Variants in PSMB2 observed in about 807,000 individuals in gnomAD.
The protein encoded by PSMB2 is proteasome 20S subunit beta 2.
A neutral mutation model predicts 25.7 loss-of-function variants in PSMB2; 13 were observed. The observed-to-expected ratio is 0.51, with a 90% CI of 0.33 to 0.80. The LOEUF is 0.80. Ranked by LOEUF, PSMB2 falls within the 30% of genes least tolerant of loss-of-function variation. PSMB2 has a pLI of 0.02. For missense variants in PSMB2, 202 were observed against 259.0 expected (o/e 0.78, Z 1.51); for synonymous variants, 87 against 96.2 (o/e 0.90, Z 0.56).
chr1:35,630,954 T>C (rs570391588), intron 3 of PSMB2, among the ~76,000 whole-genome samples: 1 of 152,330 alleles, frequency 6.6e-6, no homozygotes, highest in South Asian at 2.1e-4. Context: ...GAAATCTTTA[T>C]ACTTCTTCTC....
In PSMB2 at chr1:35,602,081, C is replaced by T; in HGVS notation, c.*1186G>A. 1.2e-5 allele frequency: 5 copies of T among 421,154 alleles called. No individual in the cohort carries two copies. The highest frequency in any genetic ancestry group is 1.6e-5 in the Non-Finnish European group (5 of 314,524). The allele number at this position is 421,154 out of a possible 1,614,324, so 26.1% of individuals were successfully genotyped here. ...GGCACGGTGGCTCACGCCTGTAATC[C>T]CAGCACTGGGAAGCCAAGGCAGGCA... On this transcript the variant is annotated 3_prime_UTR_variant, in exon 6 of 6. Transcript: ENST00000373237.
At chr1:35,627,643 T>C (rs1650904663) in intron 3 of PSMB2, among the ~76,000 whole-genome samples, 1 of 152,066 alleles carries the variant, frequency 6.6e-6, no homozygotes, top group Non-Finnish European at 1.5e-5. Flanking sequence ...AGTGAGATCC[T>C]GTCTCAAAAA....
rs1317875611 is a variant in PSMB2, at chr1:35,599,605, A to G, written c.*3662T>C. 1.0e-6 allele frequency: 1 copy of G among 984,918 alleles called. No homozygotes were observed. The highest frequency in any genetic ancestry group is 4.7e-5 in the South Asian group (1 of 21,264). The allele number at this position is 984,918 out of a possible 1,614,324, so 61.0% of individuals were successfully genotyped here. A position where few individuals can be genotyped will look rare whatever the true frequency, so the allele number is the denominator to read the frequency against. ...AAAGGAAGTGGGGAGTTAGGTTCGG[A>G]GAGGATTATGGAATGCCTAGCATGT... On this transcript the variant is annotated 3_prime_UTR_variant, in exon 6 of 6. Coordinates refer to ENST00000373237, the MANE Select transcript of PSMB2 (RefSeq NM_002794.5).
chr1:35,609,910 C>CACAT (rs1416591559), intron 3 of PSMB2, among the ~76,000 whole-genome samples: 10 of 152,140 alleles, frequency 6.6e-5, no homozygotes, highest in African/African-American at 2.4e-4. Context: ...TATATATACA[C>CACAT]ACATACGATG....
At chr1:35,610,786 G>A (rs141605973) in intron 3 of PSMB2, among the ~76,000 whole-genome samples, 2,265 of 152,288 alleles carry the variant, frequency 0.015, 54 homozygotes, top group African/African-American at 0.052. Flanking sequence ...GAGCCACTGC[G>A]CCCGGCCATA....
chr1:35,619,294 T>C (rs1650604685), intron 3 of PSMB2, among the ~76,000 whole-genome samples: 1 of 152,234 alleles, frequency 6.6e-6, no homozygotes, highest in Non-Finnish European at 1.5e-5. Context: ...TATTTTAAAC[T>C]TTAAAAGAAA....
chr1:35,636,056 G>A (rs1467155738), intron 2 of PSMB2, among the ~76,000 whole-genome samples: 1 of 152,056 alleles, frequency 6.6e-6, no homozygotes, highest in Non-Finnish European at 1.5e-5. Flanking sequence ...CAACATGACT[G>A]GTATTCTTAG....
At chr1:35,607,305 A>G (rs1243177400) in intron 4 of PSMB2, among the ~76,000 whole-genome samples, 1 of 152,258 alleles carries the variant, frequency 6.6e-6, no homozygotes, top group Non-Finnish European at 1.5e-5. Context: ...GTTAATATCC[A>G]GAAAATATAA....
intron 3 of PSMB2, among the ~76,000 whole-genome samples, chr1:35,625,063 A>AT (rs1157314698): frequency 6.6e-6 from 1 of 151,472 alleles, no homozygotes; most frequent in Non-Finnish European, 1.5e-5. Flanking sequence ...TCCACCTCAA[A>AT]AAAAAAAAAG....
Position 35,631,354 on chromosome 1 carries a change from G to A in PSMB2, c.215-10C>T, listed in dbSNP as rs775127971. On this transcript the variant is annotated splice_polypyrimidine_tract_variant and intron_variant, in intron 2 of 5. Transcript: ENST00000373237. ...GGAGACAATTCATATCCTGGTAGAAGAGATAAAGAGTCATACTTAAAGTAA... is the reference window on the plus strand; with the variant it reads ...GGAGACAATTCATATCCTGGTAGAAAAGATAAAGAGTCATACTTAAAGTAA... 6 of 1,613,536 alleles carry A rather than the reference G, an allele frequency of 3.7e-6. No individual in the cohort carries two copies. In the African/African-American group the frequency reaches 6.7e-5, roughly 18 times the overall value.
At chr1:35,628,318 C>G (rs1490418913) in intron 3 of PSMB2, among the ~76,000 whole-genome samples, 1 of 151,738 alleles carries the variant, frequency 6.6e-6, no homozygotes, top group Non-Finnish European at 1.5e-5. Flanking sequence ...AAGCACACTG[C>G]CATTCTTATC....
chr1:35,640,087 A>ATACTATACTGTACTGTACTG (rs1553126269), intron 1 of PSMB2, among the ~76,000 whole-genome samples: 85 of 151,774 alleles, frequency 5.6e-4, no homozygotes, highest in African/African-American at 2.0e-3. Flanking sequence ...ATACTATACT[A>ATACTATACTGTACTGTACTG]TACTATACTA....
chr1:35,637,856 T>G (rs1360298847), intron 1 of PSMB2, among the ~76,000 whole-genome samples: 1 of 152,202 alleles, frequency 6.6e-6, no homozygotes, highest in Non-Finnish European at 1.5e-5. Context: ...CGAAAAACAT[T>G]CACTTATATT....
intron 3 of PSMB2, among the ~76,000 whole-genome samples, chr1:35,628,250 T>G (rs1477417518): frequency 6.6e-6 from 1 of 152,130 alleles, no homozygotes; most frequent in Non-Finnish European, 1.5e-5. Flanking sequence ...GGATATTTGT[T>G]AAGACATCAA....
intron 5 of PSMB2, among the ~76,000 whole-genome samples, chr1:35,604,032 A>T (rs573758816): frequency 6.6e-6 from 1 of 151,658 alleles, no homozygotes; most frequent in East Asian, 1.9e-4. Flanking sequence ...TCTCTTAAAA[A>T]AAAAAAAAAA....
At chr1:35,618,140 A>G (rs1000658852) in intron 3 of PSMB2, among the ~76,000 whole-genome samples, 9 of 152,172 alleles carry the variant, frequency 5.9e-5, no homozygotes, top group Non-Finnish European at 1.3e-4. Context: ...GGACCAAACT[A>G]AGGAAAAAGT....
chr1:35,602,029 G>A lies in PSMB2; in HGVS notation c.*1238C>T, dbSNP rs757571510. 3.1e-5 allele frequency: 23 copies of A among 738,562 alleles called. No individual in the cohort carries two copies. Among genetic ancestry groups the A allele is most frequent in the Non-Finnish European group, 3.8e-5 (23 of 605,060 alleles). The allele number at this position is 738,562 out of a possible 1,614,324, so 45.8% of individuals were successfully genotyped here. ...TAGTGTTAAGTGAAATAAGCAATAT[G>A]CAGAACTTAAAAATACTTTTTAGCC... is the stretch of plus-strand genomic sequence containing the variant. On this transcript the variant is annotated 3_prime_UTR_variant, in exon 6 of 6. Transcript: ENST00000373237.
intron 2 of PSMB2, among the ~76,000 whole-genome samples, chr1:35,635,695 G>A (rs1201451011): frequency 6.6e-6 from 1 of 151,876 alleles, no homozygotes; most frequent in Admixed American, 6.6e-5. Flanking sequence ...TGGACGTGGT[G>A]GTGCGTGCCT....
At chr1:35,603,733 C>G (rs1460957312) in intron 5 of PSMB2, among the ~76,000 whole-genome samples, 2 of 152,142 alleles carry the variant, frequency 1.3e-5, no homozygotes, top group East Asian at 3.8e-4. Context: ...AGATAATAAG[C>G]TAACAAAGAG....
Sources: gnomAD v4.1 joint callset for allele counts (sites outside exome capture counted in the v4.1 genomes callset) on GRCh38, gnomAD v4.1.1 for gene constraint, MANE v1.5 for transcripts, NCBI Gene and HGNC (gene_info 2026-07-23, HGNC 2026-07-21) for gene names.